The following RIMBP2 variants were observed in gnomAD, a reference collection of about 807,000 sequenced individuals.
RIMBP2 encodes RIMS binding protein 2, also known as RIMS-binding protein 2.
In RIMBP2, 48 loss-of-function variants were observed where a neutral mutation model predicts 118.6. The ratio of observed to expected loss-of-function variants is 0.40; its 90% CI spans 0.32 to 0.51. The LOEUF is 0.51. RIMBP2 is among the 20% of genes least tolerant of loss of function. The pLI is 0.41. For synonymous variants in RIMBP2, 762 were observed against 742.9 expected (o/e 1.03, Z -0.42); for missense variants, 1,551 against 1,768.3 (o/e 0.88, Z 2.20).
chr12:130,426,206 G>A (rs562294197), intron 15 of RIMBP2: 1 of 152,314 alleles, frequency 6.6e-6, no homozygotes, highest in South Asian at 2.1e-4. Context: ...TGTGCGCTGA[G>A]TGGCCAGATC....
intron 2 of RIMBP2, among the ~76,000 whole-genome samples, chr12:130,570,520 G>A (rs1350767788): frequency 1.3e-5 from 2 of 152,194 alleles, no homozygotes; most frequent in Admixed American, 1.3e-4. Flanking sequence ...AACACCTGAG[G>A]AACAGCATAA....
Position 130,399,704 on chromosome 12 carries a change from G to A in RIMBP2, c.3875C>T (p.Thr1292Met), listed in dbSNP as rs762319163. Residue 1292 changes from threonine to methionine, a missense_variant, in exon 22 of 23, where the codon ACG (threonine) becomes ATG (methionine). This residue lies in a region of RIMBP2 where 1,038 missense variants were observed against 1,125.1 expected (regional missense o/e 0.92). Transcript: ENST00000690449. ...SDAPSHYSQD[T>M]PMRSKAKRVP... The stretch of plus-strand genomic sequence containing the variant: ...CCTTTTTGCCTTTGAGCGCATTGGC[G>A]TATCTTGAGAGTAGTGGGATGGAGC... 2.4e-5 allele frequency: 38 copies of A among 1,614,040 alleles called. No homozygotes were observed. The highest frequency in any genetic ancestry group is 1.8e-4 in the East Asian group (8 of 44,894).
intron 1 of RIMBP2, among the ~76,000 whole-genome samples, chr12:130,708,673 G>A (rs1028570477): frequency 6.6e-6 from 1 of 152,106 alleles, no homozygotes; most frequent in African/African-American, 2.4e-5. Context: ...GCGACACAGT[G>A]AGACCCTGTC....
At chr12:130,595,818 G>C (rs994378189) in intron 2 of RIMBP2, among the ~76,000 whole-genome samples, 1 of 152,212 alleles carries the variant, frequency 6.6e-6, no homozygotes, top group African/African-American at 2.4e-5. Flanking sequence ...GATGCCTTCA[G>C]CCAGCGTTCG....
Position 130,525,010 on chromosome 12 carries a change from C to G in RIMBP2, c.-216-7093G>C, listed in dbSNP as rs1473843506. On this transcript the variant is annotated intron_variant, in intron 2 of 22. Transcript: ENST00000690449. The surrounding 1 kb of genome is among the most constrained non-coding windows in gnomAD (Gnocchi z 4.4). ...CTCAGGGGACAGGTCCCCACATGGC[C>G]CAGAGCTCAGGAAGGAGAGCCTGAC... 6.6e-6 allele frequency among the ~76,000 whole-genome samples: 1 copy of G among 152,156 alleles called. No individual in the cohort carries two copies. Among genetic ancestry groups the G allele is most frequent in the East Asian group, 1.9e-4 (1 of 5,186 alleles).
chr12:130,689,076 C>T (rs562723752), intron 1 of RIMBP2, among the ~76,000 whole-genome samples: 1 of 152,210 alleles, frequency 6.6e-6, no homozygotes. Flanking sequence ...CTGATTGATA[C>T]ACCAGATAAA....
In RIMBP2 at chr12:130,506,830, C is replaced by T. The variant is rs971273045; in HGVS notation, c.-126-60G>A. 5 of 983,382 alleles carry T rather than the reference C, an allele frequency of 5.1e-6. No individual in the cohort carries two copies. The South Asian group carries it at 1.9e-4, about 37-fold the overall frequency. 60.9% of individuals were successfully genotyped at this position (983,382 alleles called of 1,614,324 possible). A position where few individuals can be genotyped will look rare whatever the true frequency, so the allele number is the denominator to read the frequency against. On this transcript the variant is annotated intron_variant, in intron 3 of 22. Coordinates refer to ENST00000690449, the MANE Select transcript of RIMBP2 (RefSeq NM_001393629.1). ...CACAACATGCCTAAGAGTTGGTATC[C>T]GTTGCTTCCTCTTTAGGAGCAAAAT... is the stretch of plus-strand genomic sequence containing the variant.
At chr12:130,649,584 G>A (rs1268582892) in intron 1 of RIMBP2, among the ~76,000 whole-genome samples, 1 of 152,188 alleles carries the variant, frequency 6.6e-6, no homozygotes, top group Non-Finnish European at 1.5e-5. Context: ...TGAACGGCTA[G>A]CAGACTCTTC....
chr12:130,474,408 C>A (rs1312829559), intron 5 of RIMBP2, among the ~76,000 whole-genome samples: 1 of 152,222 alleles, frequency 6.6e-6, no homozygotes, highest in African/African-American at 2.4e-5. Flanking sequence ...CCCTTGAGCA[C>A]CTCCGCCCAT....
chr12:130,451,046 A>C lies in RIMBP2; in HGVS notation c.504+149T>G, dbSNP rs116612252. ...CCCACATTCCAGCACATAGTAGGGC[A>C]AGGGAATTAACAGGGGCAAAGGGAA... On this transcript the variant is annotated intron_variant, in intron 8 of 22. Coordinates refer to ENST00000690449, the MANE Select transcript of RIMBP2 (RefSeq NM_001393629.1). 5,496 of 899,232 alleles carry C rather than the reference A, an allele frequency of 6.1e-3. 210 individuals are homozygous for C. The African/African-American group carries it at 0.082, about 13-fold the overall frequency. 55.7% of individuals were successfully genotyped at this position (899,232 alleles called of 1,614,324 possible). A position where few individuals can be genotyped will look rare whatever the true frequency, so the allele number is the denominator to read the frequency against.
chr12:130,406,349 A>G, intron 20 of RIMBP2, 106 bp from the exon 21 acceptor site: 2 of 699,564 alleles, frequency 2.9e-6, no homozygotes, highest in Non-Finnish European at 4.9e-6. Flanking sequence ...AATTTCTGGT[A>G]TTAATCTACT....
At chr12:130,706,966 C>T (rs1345287040) in intron 1 of RIMBP2, among the ~76,000 whole-genome samples, 1 of 152,180 alleles carries the variant, frequency 6.6e-6, no homozygotes, top group Non-Finnish European at 1.5e-5. Flanking sequence ...CAGCCCTACC[C>T]CATGGAAGAG....
intron 2 of RIMBP2, among the ~76,000 whole-genome samples, chr12:130,539,170 T>C (rs748387738): frequency 6.6e-6 from 1 of 152,240 alleles, no homozygotes; most frequent in Non-Finnish European, 1.5e-5. Flanking sequence ...AATATATACA[T>C]ACATATATAT....
At chr12:130,519,938 A>G (rs1390690239) in intron 2 of RIMBP2, among the ~76,000 whole-genome samples, 2 of 152,208 alleles carry the variant, frequency 1.3e-5, no homozygotes, top group Non-Finnish European at 2.9e-5. Context: ...CTTACTGCAC[A>G]GGGTCAAGGC....
intron 2 of RIMBP2, among the ~76,000 whole-genome samples, chr12:130,569,138 C>A (rs985757199): frequency 6.6e-6 from 1 of 152,162 alleles, no homozygotes; most frequent in Non-Finnish European, 1.5e-5. Flanking sequence ...ACTAGACAGT[C>A]CACACACTGC....
intron 1 of RIMBP2, among the ~76,000 whole-genome samples, chr12:130,684,030 T>A (rs927813870): frequency 6.6e-6 from 1 of 152,224 alleles, no homozygotes; most frequent in East Asian, 1.9e-4. Flanking sequence ...TCTGGCACCT[T>A]TATAAGTCTG....
intron 2 of RIMBP2, among the ~76,000 whole-genome samples, chr12:130,600,463 C>T (rs184073798): frequency 6.5e-4 from 99 of 151,392 alleles, no homozygotes; most frequent in African/African-American, 2.4e-3. Context: ...GAACCTCCCC[C>T]GTCTGGCCGG....
chr12:130,397,398 C>T lies in RIMBP2; in HGVS notation c.4052G>A (p.Gly1351Asp). The T allele has an allele frequency of 2.5e-6, 1 of 398,996 alleles. No individual in the cohort carries two copies. 24.7% of individuals were successfully genotyped at this position (398,996 alleles called of 1,614,324 possible). Reference sequence around the variant, plus strand: ...ACCCAGCTTTTTCAGCAGTTTCTTGCCTTTGGAAAGCAGCCCCTTTTTCTT... The same window carrying T: ...ACCCAGCTTTTTCAGCAGTTTCTTGTCTTTGGAAAGCAGCCCCTTTTTCTT... ...SKKKKGLLSK[G>D]KKLLKKLGAV... The change falls in exon 23 of 23, where the codon GGC becomes GAC. Residue 1351 changes from glycine to aspartate, a missense_variant. Transcript: ENST00000690449.
chr12:130,442,575 C>G lies in RIMBP2; in HGVS notation c.777G>C (p.Thr259=). ...VQDNESRLAS[T]LGNEQDQNFI... ...AGTTCTGATCCTGCTCGTTCCCCAG[C>G]GTGCTTGCCAACCGCGACTCGTTGT... The change falls in exon 11 of 23, where the codon ACG becomes ACC. Residue 259 remains threonine, a synonymous_variant. Coordinates refer to ENST00000690449, the MANE Select transcript of RIMBP2 (RefSeq NM_001393629.1). This position sits in a 1 kb window ranked among gnomAD's most constrained non-coding sequence, Gnocchi z 6.9. The G allele has an allele frequency of 6.2e-7, 1 of 1,614,184 alleles. No homozygotes were observed. The highest frequency in any genetic ancestry group is 1.1e-5 in the South Asian group (1 of 91,082).
Sources: allele counts gnomAD v4.1 joint callset (sites outside exome capture counted in the v4.1 genomes callset), GRCh38; gene constraint gnomAD v4.1.1; regional missense constraint gnomAD v4.1.1; non-coding constraint Gnocchi (gnomAD v3.1); transcripts MANE v1.5; gene names NCBI Gene and HGNC (gene_info 2026-07-23, HGNC 2026-07-21).